The following COL23A1 variants were observed in gnomAD, a reference collection of about 807,000 sequenced individuals.
COL23A1 encodes collagen alpha-1(XXIII) chain.
COL23A1 carries 97 observed loss-of-function variants against 99.3 expected under a neutral mutation model. That is an observed-to-expected ratio of 0.98 (90% CI 0.83 to 1.16). The LOEUF (loss-of-function observed/expected upper bound fraction) is 1.16. Ranked by LOEUF, COL23A1 falls within the 50% of genes most tolerant of loss-of-function variation. The pLI is 0.00. For synonymous variants in COL23A1, 320 were observed against 308.2 expected (o/e 1.04, Z -0.40); for missense variants, 762 against 757.4 (o/e 1.01, Z -0.07).
At chr5:178,583,542 G>T (rs1763768559) in intron 1 of COL23A1, among the ~76,000 whole-genome samples, 1 of 152,088 alleles carries the variant, frequency 6.6e-6, no homozygotes, top group Non-Finnish European at 1.5e-5. Context: ...GCTGCCCTGC[G>T]GGTCTCAGTG....
intron 2 of COL23A1, among the ~76,000 whole-genome samples, chr5:178,347,682 A>AC (rs1475685094): frequency 1.3e-5 from 2 of 151,974 alleles, no homozygotes; most frequent in East Asian, 3.9e-4. Context: ...AGAGATCGAG[A>AC]CCATCCTGGC....
chr5:178,332,285 C>T (rs1309900653), intron 2 of COL23A1, among the ~76,000 whole-genome samples: 1 of 152,220 alleles, frequency 6.6e-6, no homozygotes, highest in Non-Finnish European at 1.5e-5. Flanking sequence ...GCTGCCTTGG[C>T]TGCTAGGATG....
intron 16 of COL23A1, among the ~76,000 whole-genome samples, chr5:178,253,568 T>G (rs1329872299): frequency 6.6e-6 from 1 of 151,018 alleles, no homozygotes; most frequent in Non-Finnish European, 1.5e-5. Context: ...CCACAACCTC[T>G]GCCTCCCGGG....
chr5:178,282,336 C>T (rs1196958068), intron 5 of COL23A1, among the ~76,000 whole-genome samples: 2 of 152,202 alleles, frequency 1.3e-5, no homozygotes, highest in African/African-American at 4.8e-5. Context: ...AGCATCCTAA[C>T]ACTTTGATAC....
At chr5:178,343,663 A>ATATT (rs1554141722) in intron 2 of COL23A1, among the ~76,000 whole-genome samples, 3,321 of 134,306 alleles carry the variant, frequency 0.025, 119 homozygotes, top group East Asian at 0.075. Context: ...ATATATATAT[A>ATATT]TTTTTTTTTT....
At chr5:178,524,305 T>C (rs1317029608) in intron 2 of COL23A1, among the ~76,000 whole-genome samples, 1 of 152,186 alleles carries the variant, frequency 6.6e-6, no homozygotes, top group Non-Finnish European at 1.5e-5. Context: ...GACCACATCC[T>C]GCCCGCTCTC....
At chr5:178,368,007 C>T (rs1454011582) in intron 2 of COL23A1, among the ~76,000 whole-genome samples, 4 of 152,132 alleles carry the variant, frequency 2.6e-5, no homozygotes, top group East Asian at 3.9e-4. Context: ...CGGAAATGCA[C>T]GGGGCCAGTG....
At chr5:178,477,354 G>A (rs1360189378) in intron 2 of COL23A1, among the ~76,000 whole-genome samples, 3 of 152,172 alleles carry the variant, frequency 2.0e-5, no homozygotes, top group Admixed American at 6.5e-5. Context: ...GGCTTGTCAG[G>A]CATGGATCTT....
chr5:178,528,216 T>C (rs569298296), intron 2 of COL23A1, among the ~76,000 whole-genome samples: 20 of 152,268 alleles, frequency 1.3e-4, no homozygotes, highest in African/African-American at 4.6e-4. Context: ...CTGGCTTAAA[T>C]ATTAGCCCTC....
intron 1 of COL23A1, among the ~76,000 whole-genome samples, chr5:178,567,424 G>A (rs1762890721): frequency 6.6e-6 from 1 of 152,118 alleles, no homozygotes; most frequent in African/African-American, 2.4e-5. Flanking sequence ...TTGGGGTCAG[G>A]GGCACTCGTC....
intron 2 of COL23A1, among the ~76,000 whole-genome samples, chr5:178,498,409 G>GT (rs1023739398): frequency 6.6e-6 from 1 of 151,052 alleles, no homozygotes; most frequent in Non-Finnish European, 1.5e-5. Context: ...TGAAAAAAAA[G>GT]TATCTGACAG....
intron 2 of COL23A1, among the ~76,000 whole-genome samples, chr5:178,315,914 G>A (rs2127618589): frequency 6.6e-6 from 1 of 152,142 alleles, no homozygotes; most frequent in South Asian, 2.1e-4. Flanking sequence ...CAACAATCTT[G>A]TAGTCTCAAA....
chr5:178,282,030 C>T (rs1390447770), intron 5 of COL23A1, among the ~76,000 whole-genome samples: 2 of 123,872 alleles, frequency 1.6e-5, no homozygotes, highest in East Asian at 2.2e-4. Flanking sequence ...CCAGCCTGGG[C>T]GACAGAGCAA....
At chr5:178,403,561 C>T (rs2127768761) in intron 2 of COL23A1, among the ~76,000 whole-genome samples, 1 of 152,336 alleles carries the variant, frequency 6.6e-6, no homozygotes, top group South Asian at 2.1e-4. Flanking sequence ...CCCCAGCCTC[C>T]ACCATATGCC....
chr5:178,336,976 G>A (rs1343197230), intron 2 of COL23A1, among the ~76,000 whole-genome samples: 1 of 126,104 alleles, frequency 7.9e-6, no homozygotes. Flanking sequence ...CTTGCAAAGA[G>A]TAAATACACT....
chr5:178,485,945 T>G (rs1234943729), intron 2 of COL23A1, among the ~76,000 whole-genome samples: 8 of 152,116 alleles, frequency 5.3e-5, no homozygotes, highest in Non-Finnish European at 1.2e-4. Flanking sequence ...CCGGGGTGCT[T>G]TGCAGAAAAA....
At chr5:178,488,559 C>T (rs1757755188) in intron 2 of COL23A1, among the ~76,000 whole-genome samples, 1 of 152,054 alleles carries the variant, frequency 6.6e-6, no homozygotes, top group Non-Finnish European at 1.5e-5. Context: ...TGAGACCTAT[C>T]GTTGAAGTCT....
At chr5:178,376,735 A>G (rs1032827178) in intron 2 of COL23A1, among the ~76,000 whole-genome samples, 2 of 152,218 alleles carry the variant, frequency 1.3e-5, no homozygotes, top group African/African-American at 4.8e-5. Context: ...AAGGGGTGCA[A>G]GCTTCCACAT....
At chr5:178,498,182 T>C (rs1228407408) in intron 2 of COL23A1, among the ~76,000 whole-genome samples, 1 of 124,742 alleles carries the variant, frequency 8.0e-6, no homozygotes, top group African/African-American at 2.9e-5. Context: ...CCTGGCAACA[T>C]GGCGAGACCC....
Sources: gnomAD v4.1 joint callset for allele counts (sites outside exome capture counted in the v4.1 genomes callset) on GRCh38, gnomAD v4.1.1 for gene constraint, MANE v1.5 for transcripts, NCBI Gene and HGNC (gene_info 2026-07-23, HGNC 2026-07-21) for gene names.